The following DCC variants were observed in gnomAD, a reference collection of about 807,000 sequenced individuals.
DCC encodes the protein netrin receptor DCC.
In DCC, 58 loss-of-function variants were observed where a neutral mutation model predicts 172.5. That is an observed-to-expected ratio of 0.34 (90% CI 0.27 to 0.42). The LOEUF is 0.42. Among genes scored for constraint, DCC ranks in the 10% least tolerant of loss-of-function variants. The probability of loss-of-function intolerance (pLI) is 1.00; values close to 1 mark genes in which losing one functional copy is unlikely to be tolerated. For missense variants in DCC, 1,740 were observed against 1,791.0 expected (o/e 0.97, Z 0.51); for synonymous variants, 709 against 644.5 (o/e 1.10, Z -1.52).
intron 24 of DCC, among the ~76,000 whole-genome samples, chr18:53,460,050 G>A (rs1281330851): frequency 1.9e-5 from 2 of 107,488 alleles, no homozygotes; most frequent in African/African-American, 6.5e-5. Flanking sequence ...TTATACAAAG[G>A]GATCTGAAAA....
At chr18:52,813,568 C>T (rs1260739195) in intron 2 of DCC, among the ~76,000 whole-genome samples, 2 of 150,484 alleles carry the variant, frequency 1.3e-5, no homozygotes, top group African/African-American at 4.9e-5. Flanking sequence ...GAAGAAAAGA[C>T]AATGTGTGAT....
chr18:52,466,632 T>A (rs945423416), intron 1 of DCC, among the ~76,000 whole-genome samples: 2 of 152,196 alleles, frequency 1.3e-5, no homozygotes, highest in African/African-American at 4.8e-5. Flanking sequence ...TTGTCTGTAA[T>A]AGCAATATTG....
intron 2 of DCC, among the ~76,000 whole-genome samples, chr18:52,785,718 T>G (rs1225544873): frequency 6.6e-6 from 1 of 152,100 alleles, no homozygotes; most frequent in Non-Finnish European, 1.5e-5. Context: ...AGTAACATTC[T>G]TTTTTGAATA....
chr18:52,383,002 T>A (rs944637906), intron 1 of DCC, among the ~76,000 whole-genome samples: 3 of 152,162 alleles, frequency 2.0e-5, no homozygotes, highest in Admixed American at 2.0e-4. Context: ...TTGTATGATA[T>A]AGGCATATTA....
At chr18:53,064,087 G>T (rs915550329) in intron 6 of DCC, among the ~76,000 whole-genome samples, 1 of 152,114 alleles carries the variant, frequency 6.6e-6, no homozygotes, top group African/African-American at 2.4e-5. Context: ...GAAGCTAAGA[G>T]GAATAACTTC....
chr18:52,412,740 T>C (rs1986885380), intron 1 of DCC, among the ~76,000 whole-genome samples: 1 of 152,158 alleles, frequency 6.6e-6, no homozygotes, highest in South Asian at 2.1e-4. Context: ...TCCAGATTTC[T>C]GCTTCTAAGT....
chr18:52,927,538 C>T (rs1202677368), intron 5 of DCC, among the ~76,000 whole-genome samples: 1 of 151,950 alleles, frequency 6.6e-6, no homozygotes, highest in Admixed American at 6.6e-5. Context: ...AGTGGTATGA[C>T]ACTTGGATGC....
chr18:52,732,768 A>C (rs573318434), intron 1 of DCC, among the ~76,000 whole-genome samples: 1 of 152,298 alleles, frequency 6.6e-6, no homozygotes, highest in African/African-American at 2.4e-5. Flanking sequence ...CTCCTCTCTA[A>C]AAATCAACAT....
At chr18:52,491,076 C>G (rs965090005) in intron 1 of DCC, among the ~76,000 whole-genome samples, 1 of 152,090 alleles carries the variant, frequency 6.6e-6, no homozygotes, top group Non-Finnish European at 1.5e-5. Context: ...TTATATGGAG[C>G]CTTCCATCAA....
chr18:53,328,523 G>GTGTTGT (rs747857649), intron 14 of DCC, among the ~76,000 whole-genome samples: 3 of 152,016 alleles, frequency 2.0e-5, no homozygotes, highest in East Asian at 1.9e-4. Flanking sequence ...TTTGACTGTT[G>GTGTTGT]TGTTGTTGTT....
intron 14 of DCC, among the ~76,000 whole-genome samples, chr18:53,336,255 A>G (rs1236489689): frequency 6.6e-6 from 1 of 152,152 alleles, no homozygotes; most frequent in African/African-American, 2.4e-5. Flanking sequence ...TAATAGTCAT[A>G]TTATATATCT....
rs1208906262 is a variant in DCC, at chr18:53,531,855, G to A, written c.*1202G>A. Reference sequence around the variant, plus strand: ...TGTCAGAGTCAGGGGGAAGCAGAGGGGCAGGTGCCACCTGACACTTCCGAC... The same window carrying A: ...TGTCAGAGTCAGGGGGAAGCAGAGGAGCAGGTGCCACCTGACACTTCCGAC... On this transcript the variant is annotated 3_prime_UTR_variant, in exon 29 of 29. Coordinates refer to ENST00000442544, the MANE Select transcript of DCC (RefSeq NM_005215.4). 1.3e-5 allele frequency: 2 copies of A among 152,204 alleles called. No individual in the cohort carries two copies. The highest frequency in any genetic ancestry group is 2.9e-5 in the Non-Finnish European group (2 of 68,078). 9.4% of individuals were successfully genotyped at this position (152,204 alleles called of 1,614,324 possible).
At chr18:52,511,567 G>A (rs868322123) in intron 1 of DCC, among the ~76,000 whole-genome samples, 1 of 152,108 alleles carries the variant, frequency 6.6e-6, no homozygotes. Context: ...GGGCAGAGGA[G>A]TGCTACTGGT....
chr18:52,451,164 C>T (rs1263391261), intron 1 of DCC, among the ~76,000 whole-genome samples: 1 of 152,128 alleles, frequency 6.6e-6, no homozygotes, highest in African/African-American at 2.4e-5. Context: ...TGTCTTTCCT[C>T]CCTCCCTTCT....
At chr18:52,666,927 T>C (rs994585746) in intron 1 of DCC, among the ~76,000 whole-genome samples, 2 of 152,210 alleles carry the variant, frequency 1.3e-5, no homozygotes, top group Non-Finnish European at 2.9e-5. Flanking sequence ...TTATCTCATA[T>C]AATTGTATAT....
At chr18:53,413,479 G>A (rs1222202082) in intron 20 of DCC, among the ~76,000 whole-genome samples, 1 of 152,146 alleles carries the variant, frequency 6.6e-6, no homozygotes, top group Non-Finnish European at 1.5e-5. Context: ...AATCCATATG[G>A]TCCCTGTTGG....
chr18:52,924,543 T>C (rs1053606660), intron 4 of DCC, among the ~76,000 whole-genome samples: 5 of 152,072 alleles, frequency 3.3e-5, no homozygotes, highest in Non-Finnish European at 7.4e-5. Flanking sequence ...GAAAATAAAC[T>C]CTCAATAGAA....
intron 1 of DCC, among the ~76,000 whole-genome samples, chr18:52,367,700 A>G (rs971158412): frequency 6.6e-6 from 1 of 152,156 alleles, no homozygotes; most frequent in African/African-American, 2.4e-5. Flanking sequence ...TGTTTCTCCC[A>G]GTTAGCAAAG....
intron 5 of DCC, among the ~76,000 whole-genome samples, chr18:53,021,637 T>C (rs2041883342): frequency 6.6e-6 from 1 of 152,166 alleles, no homozygotes; most frequent in South Asian, 2.1e-4. Flanking sequence ...ACTTATATAT[T>C]GGAGTATTCC....
Sources: gnomAD v4.1 joint callset for allele counts (sites outside exome capture counted in the v4.1 genomes callset) on GRCh38, gnomAD v4.1.1 for gene constraint, MANE v1.5 for transcripts, NCBI Gene and HGNC (gene_info 2026-07-23, HGNC 2026-07-21) for gene names.